Variants in COL22A1 observed in about 807,000 individuals in gnomAD.
The protein encoded by COL22A1 is collagen alpha-1(XXII) chain.
A neutral mutation model predicts 248.9 loss-of-function variants in COL22A1; 221 were observed. That is an observed-to-expected ratio of 0.89 (90% confidence interval 0.80 to 0.99). The LOEUF (loss-of-function observed/expected upper bound fraction) is 0.99, where lower values mean the gene tolerates loss of function less well. COL22A1 is among the 50% of genes least tolerant of loss of function. The probability of loss-of-function intolerance (pLI) is 0.00; values close to 1 mark genes in which losing one functional copy is unlikely to be tolerated. For synonymous variants in COL22A1, 891 were observed against 793.4 expected, an observed-to-expected ratio of 1.12 and a Z score of -2.07; for missense variants, 2,240 against 2,179.0, an observed-to-expected ratio of 1.03 and a Z score of -0.56.
chr8:138,794,268 T>C (rs1251759456), intron 12 of COL22A1, among the ~76,000 whole-genome samples: 1 of 151,940 alleles, frequency 6.6e-6, no homozygotes, highest in East Asian at 1.9e-4. Flanking sequence ...ACGCCTGTAG[T>C]CCCAGCTACT....
chr8:138,772,081 T>C (rs926046099), intron 16 of COL22A1, among the ~76,000 whole-genome samples: 5 of 152,022 alleles, frequency 3.3e-5, no homozygotes, highest in Non-Finnish European at 7.4e-5. Flanking sequence ...CGTCTAACCC[T>C]GAGCGTGGAG....
chr8:138,667,502 TC>T, intron 41 of COL22A1, among the ~76,000 whole-genome samples: 1 of 152,264 alleles, frequency 6.6e-6, no homozygotes, highest in African/African-American at 2.4e-5. Context: ...TGTGTTTATA[TC>T]CCCGAGTTCA....
chr8:138,632,547 C>G (rs538216312), intron 49 of COL22A1, among the ~76,000 whole-genome samples: 39 of 152,292 alleles, frequency 2.6e-4, no homozygotes, highest in Non-Finnish European at 4.6e-4. Context: ...TTTCCAGCAG[C>G]CTTTATTTAA....
chr8:138,890,645 C>T (rs1415298745), intron 1 of COL22A1, among the ~76,000 whole-genome samples: 1 of 151,966 alleles, frequency 6.6e-6, no homozygotes, highest in Non-Finnish European at 1.5e-5. Context: ...TGGAAAAACC[C>T]AAATAATACC....
chr8:138,682,998 C>T (rs1225387554), intron 39 of COL22A1, among the ~76,000 whole-genome samples: 1 of 152,178 alleles, frequency 6.6e-6, no homozygotes, highest in East Asian at 1.9e-4. Flanking sequence ...CGCACCCGGC[C>T]CTACATGCAC....
At chr8:138,630,785 A>C (rs1380916849) in intron 49 of COL22A1, 37 bp from the exon 50 acceptor site, 7 of 1,588,698 alleles carry the variant, frequency 4.4e-6, no homozygotes, top group Non-Finnish European at 8.6e-7. Flanking sequence ...TTTCTTGTGC[A>C]TCTAGACAGA....
chr8:138,635,887 C>T (rs1821111442), intron 48 of COL22A1, among the ~76,000 whole-genome samples: 1 of 152,178 alleles, frequency 6.6e-6, no homozygotes. Context: ...ATCTCACTGC[C>T]TGTGGGTTAC....
intron 3 of COL22A1, among the ~76,000 whole-genome samples, chr8:138,855,093 T>C (rs990524758): frequency 3.3e-5 from 5 of 152,158 alleles, no homozygotes; most frequent in Admixed American, 3.3e-4. Context: ...TCCTCAATTA[T>C]AAAATAATGA....
chr8:138,744,906 C>G lies in COL22A1; in HGVS notation c.2085+6552G>C, dbSNP rs76699828. Among the ~76,000 whole-genome samples, 2,407 of 152,250 alleles carry G rather than the reference C, an allele frequency of 0.016. 165 individuals carry two copies. In the East Asian group the frequency reaches 0.21, roughly 13 times the overall value. Reference sequence around the variant, plus strand: ...CTGCCGTCTTTGTAAGAGGGGACATCTTGTTGGATAGGATCACCTCTCCAG... The same window carrying G: ...CTGCCGTCTTTGTAAGAGGGGACATGTTGTTGGATAGGATCACCTCTCCAG... On this transcript the variant is annotated intron_variant, in intron 22 of 64. Coordinates refer to ENST00000303045, the MANE Select transcript of COL22A1 (RefSeq NM_152888.3).
At chr8:138,778,557 A>G (rs1411421412) in intron 14 of COL22A1, 151 bp from the exon 15 acceptor site, 1 of 650,102 alleles carries the variant, frequency 1.5e-6, no homozygotes, top group Admixed American at 3.3e-5. Context: ...AGGTCTCGCC[A>G]GCAGACACTC....
At chr8:138,688,763 A>G (rs552528601) in intron 37 of COL22A1, among the ~76,000 whole-genome samples, 154 bp downstream of exon 37, 2 of 152,156 alleles carry the variant, frequency 1.3e-5, no homozygotes, top group South Asian at 4.2e-4. Context: ...AAATGAGCCA[A>G]TGGGATGGCA....
intron 27 of COL22A1, among the ~76,000 whole-genome samples, chr8:138,720,281 C>A (rs1357982320): frequency 6.6e-6 from 1 of 152,146 alleles, no homozygotes; most frequent in African/African-American, 2.4e-5. Flanking sequence ...TCTGTAGGGT[C>A]AAGGGATTAG....
intron 41 of COL22A1, among the ~76,000 whole-genome samples, chr8:138,669,459 G>A (rs1824820455): frequency 1.3e-5 from 2 of 152,200 alleles, no homozygotes; most frequent in Admixed American, 6.5e-5. Context: ...AACAGCCCAG[G>A]ACAGCCCAGC....
intron 32 of COL22A1, among the ~76,000 whole-genome samples, chr8:138,698,820 G>A (rs1827734189): frequency 1.3e-5 from 2 of 152,100 alleles, no homozygotes; most frequent in Admixed American, 6.5e-5. Context: ...GTGAGTACCC[G>A]CCCTGCGGGT....
At chr8:138,865,399 T>G (rs1329287439) in intron 3 of COL22A1, among the ~76,000 whole-genome samples, 1 of 152,026 alleles carries the variant, frequency 6.6e-6, no homozygotes, top group Non-Finnish European at 1.5e-5. Flanking sequence ...TGTATGTGTG[T>G]GTCTTGTTTG....
intron 57 of COL22A1, among the ~76,000 whole-genome samples, 168 bp downstream of exon 57, chr8:138,607,768 A>G (rs918682189): frequency 2.0e-5 from 3 of 152,186 alleles, no homozygotes; most frequent in African/African-American, 7.2e-5. Context: ...TTTAAACCTT[A>G]AAAAATGGCC....
chr8:138,878,391 CTG>C, intron 2 of COL22A1, 75 bp from the exon 3 acceptor site: 1 of 1,247,154 alleles, frequency 8.0e-7, no homozygotes, highest in Non-Finnish European at 1.1e-6. Context: ...ATACAGGTCA[CTG>C]GGGTCACACA....
chr8:138,660,049 C>G (rs3935703), intron 44 of COL22A1, among the ~76,000 whole-genome samples: 97,106 of 152,104 alleles, frequency 0.64, 33,014 homozygotes, highest in Non-Finnish European at 0.77. Context: ...CCTGGAATGT[C>G]TCCCGGGCTG....
At chr8:138,799,378 C>T (rs1586769505) in intron 11 of COL22A1, among the ~76,000 whole-genome samples, 1 of 152,134 alleles carries the variant, frequency 6.6e-6, no homozygotes, top group African/African-American at 2.4e-5. Context: ...TTTTCTGTTT[C>T]TTAGCATATC....
Sources: allele counts gnomAD v4.1 joint callset (sites outside exome capture counted in the v4.1 genomes callset), GRCh38; gene constraint gnomAD v4.1.1; transcripts MANE v1.5; gene names NCBI Gene and HGNC (gene_info 2026-07-23, HGNC 2026-07-21).